GFRA1: variants seen among roughly 807,000 people sequenced by gnomAD.
The protein encoded by GFRA1 is GDNF family receptor alpha-1.
A neutral mutation model predicts 51.6 loss-of-function variants in GFRA1; 16 were observed. The observed-to-expected ratio is 0.31, with a 90% CI of 0.21 to 0.47. The LOEUF is 0.47. Among genes scored for constraint, GFRA1 ranks in the 20% least tolerant of loss-of-function variants. The pLI is 1.00. For missense variants in GFRA1, 530 were observed against 594.3 expected, an observed-to-expected ratio of 0.89 and a Z score of 1.13; for synonymous variants, 270 against 241.3, an observed-to-expected ratio of 1.12 and a Z score of -1.10.
chr10:116,244,071 T>C (rs891247198), intron 4 of GFRA1, among the ~76,000 whole-genome samples: 1 of 152,014 alleles, frequency 6.6e-6, no homozygotes, highest in Non-Finnish European at 1.5e-5. Flanking sequence ...AGAAAATCAC[T>C]GTTACTAAAG....
At chr10:116,130,218 C>G (rs1958050232) in intron 5 of GFRA1, among the ~76,000 whole-genome samples, 1 of 151,760 alleles carries the variant, frequency 6.6e-6, no homozygotes, top group South Asian at 2.1e-4. Context: ...TCAAAATACT[C>G]AATACTTTAT....
intron 6 of GFRA1, among the ~76,000 whole-genome samples, chr10:116,113,368 AG>A (rs1957288469): frequency 6.6e-6 from 1 of 152,184 alleles, no homozygotes; most frequent in Non-Finnish European, 1.5e-5. Flanking sequence ...AAGCCCATTG[AG>A]ATCCTCAGTA....
chr10:116,267,774 C>G (rs1195647625), intron 4 of GFRA1, among the ~76,000 whole-genome samples: 1 of 152,156 alleles, frequency 6.6e-6, no homozygotes, highest in African/African-American at 2.4e-5. Flanking sequence ...TTGTCTGTAC[C>G]TCTCCTCTCC....
intron 5 of GFRA1, among the ~76,000 whole-genome samples, chr10:116,165,535 C>G (rs763318808): frequency 6.6e-6 from 1 of 152,136 alleles, no homozygotes; most frequent in South Asian, 2.1e-4. Flanking sequence ...AGGAATCAAC[C>G]TGGTGAATTG....
rs145824372 is a variant in GFRA1 at position 116,234,237 on chromosome 10, A to G, written c.419-22592T>C. Among the ~76,000 whole-genome samples the G allele has an allele frequency of 2.8e-3, 424 of 152,256 alleles. 3 individuals are homozygous for G. Among genetic ancestry groups the G allele is most frequent in the Middle Eastern group, 0.01 (3 of 292 alleles). ...CTTTTAAAGTCCCTGGAAAAACTAG[A>G]TATGGAAACCTATTCAATTCTCATC... On this transcript the variant is annotated intron_variant, in intron 4 of 10. Transcript: ENST00000355422.
rs982408415 is a variant in GFRA1, at chr10:116,181,148, T to C, written c.433+30483A>G. On this transcript the variant is annotated intron_variant, in intron 5 of 10. Transcript: ENST00000355422. ...AAAGATGTTATTATTCTTATGCCTA[T>C]AGGTATAATAAGGTGCTTGTGATAT... 2.0e-5 allele frequency among the ~76,000 whole-genome samples: 3 copies of C among 152,218 alleles called. No individual in the cohort carries two copies. In the East Asian group the frequency reaches 5.8e-4, roughly 29 times the overall value.
intron 6 of GFRA1, among the ~76,000 whole-genome samples, chr10:116,097,046 G>C (rs1813323929): frequency 6.6e-6 from 1 of 152,162 alleles, no homozygotes; most frequent in South Asian, 2.1e-4. Flanking sequence ...TATAACTGGA[G>C]GAATCTAGAG....
At position 116,166,780 on chromosome 10, in the gene GFRA1, C is replaced by CTTT. The variant is rs530399969; in HGVS notation, c.434-41226_434-41224dup. Reference sequence around the variant, plus strand: ...TCCCTTGAAGGATAGCAACAATCTTCTTTTTTTTTTTTTTTTTTTTTTTTT... The same window carrying CTTT: ...TCCCTTGAAGGATAGCAACAATCTTCTTTTTTTTTTTTTTTTTTTTTTTTTTTT... On this transcript the variant is annotated intron_variant, in intron 5 of 10. Coordinates refer to ENST00000355422, the MANE Select transcript of GFRA1 (RefSeq NM_005264.8). 2.4e-3 allele frequency among the ~76,000 whole-genome samples: 187 copies of CTTT among 76,460 alleles called. 1 individual carries two copies. Among genetic ancestry groups the CTTT allele is most frequent in the African/African-American group, 4.5e-3 (76 of 17,028 alleles). 50.2% of individuals were successfully genotyped at this position (76,460 alleles called of 152,430 possible). A position where few individuals can be genotyped will look rare whatever the true frequency, so the allele number is the denominator to read the frequency against.
At chr10:116,070,830 A>G (rs1160266647) in intron 9 of GFRA1, among the ~76,000 whole-genome samples, 1 of 110,538 alleles carries the variant, frequency 9.0e-6, no homozygotes, top group Non-Finnish European at 1.7e-5. Flanking sequence ...GAGAAGTTTT[A>G]TCGCTGGTCT....
chr10:116,100,554 T>C (rs1956779291), intron 6 of GFRA1, among the ~76,000 whole-genome samples: 2 of 152,340 alleles, frequency 1.3e-5, no homozygotes, highest in East Asian at 3.9e-4. Context: ...TGATGAGGTC[T>C]TGAAAGCCTT....
chr10:116,158,708 G>A (rs184205713), intron 5 of GFRA1, among the ~76,000 whole-genome samples: 18 of 152,312 alleles, frequency 1.2e-4, no homozygotes, highest in Admixed American at 8.5e-4. Context: ...AAGGAAGTCC[G>A]GGAGATTCTC....
chr10:116,273,330 G>A (rs1665403657), upstream of GFRA1: 1 of 151,504 alleles, frequency 6.6e-6, no homozygotes, highest in African/African-American at 2.4e-5. Flanking sequence ...GGTAATCTTC[G>A]AGAGCTCGAA....
chr10:116,262,907 G>A (rs960842186), intron 4 of GFRA1, among the ~76,000 whole-genome samples: 1 of 152,152 alleles, frequency 6.6e-6, no homozygotes, highest in African/African-American at 2.4e-5. Flanking sequence ...AGCTTGGAAG[G>A]GAAGGCTGAT....
chr10:116,210,109 A>C (rs570042792), intron 5 of GFRA1, among the ~76,000 whole-genome samples: 1 of 152,282 alleles, frequency 6.6e-6, no homozygotes, highest in East Asian at 1.9e-4. Flanking sequence ...AATCCCATCA[A>C]TCGAATGGCA....
At chr10:116,100,425 A>ACCT (rs1195929333) in intron 6 of GFRA1, among the ~76,000 whole-genome samples, 1 of 152,210 alleles carries the variant, frequency 6.6e-6, no homozygotes, top group Admixed American at 6.5e-5. Context: ...ATCTGATGCC[A>ACCT]GAGCCGGAGA....
intron 4 of GFRA1, among the ~76,000 whole-genome samples, chr10:116,242,619 C>T (rs1967494528): frequency 6.6e-6 from 1 of 151,884 alleles, no homozygotes; most frequent in Admixed American, 6.6e-5. Context: ...GTAGCTGAGA[C>T]TACAGGCGCC....
chr10:116,268,975 AG>A (rs1352291382), intron 4 of GFRA1, among the ~76,000 whole-genome samples: 3 of 152,240 alleles, frequency 2.0e-5, no homozygotes, highest in African/African-American at 4.8e-5. Flanking sequence ...ACACTTGCTC[AG>A]GAAAAAATAG....
intron 5 of GFRA1, among the ~76,000 whole-genome samples, chr10:116,175,255 C>T (rs777332693): frequency 1.3e-5 from 2 of 152,076 alleles, no homozygotes; most frequent in Non-Finnish European, 2.9e-5. Flanking sequence ...CTGTTCTGTG[C>T]CTAGTGTGGA....
intron 5 of GFRA1, among the ~76,000 whole-genome samples, chr10:116,136,618 T>C (rs4751577): frequency 0.98 from 149,329 of 152,328 alleles, 73,271 homozygotes; most frequent in East Asian, 1. Flanking sequence ...AATGTGTATG[T>C]ACTTGTCAAC....
Sources: gnomAD v4.1 joint callset for allele counts (sites outside exome capture counted in the v4.1 genomes callset) on GRCh38, gnomAD v4.1.1 for gene constraint, MANE v1.5 for transcripts, NCBI Gene and HGNC (gene_info 2026-07-23, HGNC 2026-07-21) for gene names.